Variants in MINDY2 observed in about 807,000 individuals in gnomAD.
The protein encoded by MINDY2 is MINDY lysine 48 deubiquitinase 2.
A neutral mutation model predicts 68.2 loss-of-function variants in MINDY2; 52 were observed. That is an observed-to-expected ratio of 0.76 (90% CI 0.61 to 0.96). MINDY2 has a LOEUF of 0.96. Ranked by LOEUF, MINDY2 falls within the 40% of genes least tolerant of loss-of-function variation. The probability of loss-of-function intolerance (pLI) is 0.00; values close to 1 mark genes in which losing one functional copy is unlikely to be tolerated. For synonymous variants in MINDY2, 372 were observed against 303.0 expected, an observed-to-expected ratio of 1.23 and a Z score of -2.36; for missense variants, 881 against 773.4, an observed-to-expected ratio of 1.14 and a Z score of -1.65.
intron 1 of MINDY2, among the ~76,000 whole-genome samples, chr15:58,774,645 T>C (rs1033495422): frequency 4.0e-5 from 6 of 151,574 alleles, no homozygotes; most frequent in Admixed American, 3.9e-4. Context: ...GAGAAAACGG[T>C]AATTGGGGAG....
intron 4 of MINDY2, among the ~76,000 whole-genome samples, chr15:58,814,751 T>TA (rs1310938723): frequency 1.3e-5 from 2 of 151,892 alleles, no homozygotes; most frequent in Non-Finnish European, 2.9e-5. Context: ...TAAGCACAAA[T>TA]CTCTTGTCAG....
chr15:58,830,401 A>T (rs369315665), intron 5 of MINDY2, among the ~76,000 whole-genome samples: 1 of 152,138 alleles, frequency 6.6e-6, no homozygotes, highest in Non-Finnish European at 1.5e-5. Context: ...CCAAAATCCA[A>T]AATGCTCCAA....
At chr15:58,852,922 G>GTTTTTTTTTTTTTTTTT (rs746154698) in intron 8 of MINDY2, among the ~76,000 whole-genome samples, 1 of 48,930 alleles carries the variant, frequency 2.0e-5, no homozygotes, top group African/African-American at 7.5e-5. Context: ...TGCTGTTCCT[G>GTTTTTTTTTTTTTTTTT]TTTTTTTTTT....
At chr15:58,800,321 T>G (rs1323707484) in intron 2 of MINDY2, among the ~76,000 whole-genome samples, 2 of 152,212 alleles carry the variant, frequency 1.3e-5, no homozygotes, top group Non-Finnish European at 2.9e-5. Context: ...TGTATCATTC[T>G]TTGTCCCTAA....
rs758267212 is a variant in MINDY2, at chr15:58,847,371, C to T, written c.1443C>T (p.Asn481=). Residue 481 remains asparagine, a synonymous_variant, in exon 7 of 9, where the codon AAC becomes AAT. Coordinates refer to ENST00000559228, the MANE Select transcript of MINDY2 (RefSeq NM_001040450.3). ...AAGTTGTTTGGGAAAGCCTACACAACGTAGATGGTGATGGAAATTTCTGTG... is the reference window on the plus strand; with the variant it reads ...AAGTTGTTTGGGAAAGCCTACACAATGTAGATGGTGATGGAAATTTCTGTG... ...EEKVVWESLH[N]VDGDGNFCDS... The T allele has an allele frequency of 1.1e-5, 17 of 1,608,536 alleles. No individual in the cohort carries two copies. Among genetic ancestry groups the T allele is most frequent in the African/African-American group, 2.7e-5 (2 of 74,832 alleles).
In MINDY2 at chr15:58,802,312, G is replaced by A; in HGVS notation, c.899-1G>A. 6.4e-7 allele frequency: 1 copy of A among 1,565,176 alleles called. No individual in the cohort carries two copies. Among genetic ancestry groups the A allele is most frequent in the Non-Finnish European group, 8.6e-7 (1 of 1,157,026 alleles). Reference sequence around the variant, plus strand: ...TTACAATTCTTTTTTTTTTTTTACAGGAGATTACATGCTTGATGCAAAGCC... The same window carrying A: ...TTACAATTCTTTTTTTTTTTTTACAAGAGATTACATGCTTGATGCAAAGCC... On this transcript the variant is annotated splice_acceptor_variant, in intron 2 of 8. Coordinates refer to ENST00000559228, the MANE Select transcript of MINDY2 (RefSeq NM_001040450.3). LOFTEE classifies it high-confidence loss of function.
At chr15:58,816,867 C>G (rs115620640) in intron 4 of MINDY2, among the ~76,000 whole-genome samples, 4,997 of 152,164 alleles carry the variant, frequency 0.033, 289 homozygotes, top group African/African-American at 0.11. Context: ...GTAGGAGAAT[C>G]ACTTAAGGCC....
intron 4 of MINDY2, among the ~76,000 whole-genome samples, 193 bp downstream of exon 4, chr15:58,810,581 G>A (rs1393531478): frequency 1.3e-5 from 2 of 152,034 alleles, no homozygotes; most frequent in Non-Finnish European, 2.9e-5. Flanking sequence ...CCAACTCTAA[G>A]GAGCTAGGGC....
intron 7 of MINDY2, 93 bp from the exon 8 acceptor site, chr15:58,851,678 C>T (rs2032819181): frequency 1.0e-6 from 1 of 993,024 alleles, no homozygotes; most frequent in Non-Finnish European, 1.4e-6. Flanking sequence ...AATAGCCATT[C>T]TTACAGCTTT....
intron 6 of MINDY2, among the ~76,000 whole-genome samples, chr15:58,833,121 C>T (rs139752706): frequency 6.6e-6 from 1 of 152,280 alleles, no homozygotes; most frequent in East Asian, 1.9e-4. Context: ...AGTTTGTCAA[C>T]TTATACATAG....
intron 1 of MINDY2, among the ~76,000 whole-genome samples, chr15:58,784,497 T>C (rs1308873003): frequency 6.6e-6 from 1 of 152,206 alleles, no homozygotes; most frequent in African/African-American, 2.4e-5. Flanking sequence ...TTTAAACTAC[T>C]TAAAGTGCCT....
intron 6 of MINDY2, among the ~76,000 whole-genome samples, chr15:58,843,832 CAAA>C (rs34999651): frequency 1.2e-5 from 1 of 84,836 alleles, no homozygotes. Flanking sequence ...GACTCTGTCT[CAAA>C]AAAAAAAAAA....
At chr15:58,772,924 G>T (rs1245644904) in intron 1 of MINDY2, among the ~76,000 whole-genome samples, 1 of 152,046 alleles carries the variant, frequency 6.6e-6, no homozygotes, top group Non-Finnish European at 1.5e-5. Flanking sequence ...AAACTCTAAA[G>T]AACTAAAATA....
chr15:58,799,342 C>T (rs1299376465), intron 2 of MINDY2, among the ~76,000 whole-genome samples: 5 of 152,078 alleles, frequency 3.3e-5, no homozygotes, highest in South Asian at 2.1e-4. Flanking sequence ...CCGAGGCAGG[C>T]GGATCACGAG....
At chr15:58,851,026 C>T (rs575680089) in intron 7 of MINDY2, among the ~76,000 whole-genome samples, 2 of 151,576 alleles carry the variant, frequency 1.3e-5, no homozygotes, top group East Asian at 3.9e-4. Flanking sequence ...CAGGCTGGAG[C>T]GCAGTGGCGT....
At chr15:58,789,535 C>T (rs568678227) in intron 2 of MINDY2, among the ~76,000 whole-genome samples, 2 of 151,910 alleles carry the variant, frequency 1.3e-5, no homozygotes, top group African/African-American at 4.8e-5. Flanking sequence ...TGACTTGCTG[C>T]AATCTCGACC....
In MINDY2 at chr15:58,854,825, A is replaced by AC; in HGVS notation, c.*215_*216insC. Reference sequence around the variant, plus strand: ...TGGAGTTTCATGTTACAAGTTGGAAATGCTGTGTGTTGACATTCATGAAAA... The same window carrying AC: ...TGGAGTTTCATGTTACAAGTTGGAAACTGCTGTGTGTTGACATTCATGAAAA... On this transcript the variant is annotated 3_prime_UTR_variant, in exon 9 of 9. Transcript: ENST00000559228. 2.4e-6 allele frequency: 1 copy of AC among 409,128 alleles called. No individual in the cohort carries two copies. The highest frequency in any genetic ancestry group is 4.3e-6 in the Non-Finnish European group (1 of 233,550). The allele number at this position is 409,128 out of a possible 1,614,324, so 25.3% of individuals were successfully genotyped here.
intron 1 of MINDY2, among the ~76,000 whole-genome samples, chr15:58,782,239 A>G (rs1356216879): frequency 6.6e-6 from 1 of 152,178 alleles, no homozygotes; most frequent in Non-Finnish European, 1.5e-5. Flanking sequence ...CATGAATACT[A>G]TATATTCATG....
chr15:58,844,269 C>T (rs562840508), intron 6 of MINDY2, among the ~76,000 whole-genome samples: 43 of 152,116 alleles, frequency 2.8e-4, no homozygotes, highest in Non-Finnish European at 3.7e-4. Context: ...CATTGTTGGC[C>T]GGGCACGGTG....
Sources: gnomAD v4.1 joint callset for allele counts (sites outside exome capture counted in the v4.1 genomes callset) on GRCh38, gnomAD v4.1.1 for gene constraint, MANE v1.5 for transcripts, NCBI Gene and HGNC (gene_info 2026-07-23, HGNC 2026-07-21) for gene names.